ROBO1: variants seen among roughly 807,000 people sequenced by gnomAD.
The protein encoded by ROBO1 is roundabout guidance receptor 1.
Under a neutral mutation model 195.9 loss-of-function variants are expected in ROBO1, and 149 were observed. That is an observed-to-expected ratio of 0.76 (90% confidence interval 0.67 to 0.87). The LOEUF (loss-of-function observed/expected upper bound fraction) is 0.87, where lower values mean the gene tolerates loss of function less well. Among genes scored for constraint, ROBO1 ranks in the 40% least tolerant of loss-of-function variants. ROBO1 has a pLI of 0.00. For synonymous variants in ROBO1, 816 were observed against 733.2 expected, an observed-to-expected ratio of 1.11 and a Z score of -1.82; for missense variants, 1,933 against 2,068.3, an observed-to-expected ratio of 0.93 and a Z score of 1.27.
intron 2 of ROBO1, among the ~76,000 whole-genome samples, chr3:79,494,564 A>C (rs540493869): frequency 1.8e-4 from 27 of 152,292 alleles, no homozygotes; most frequent in African/African-American, 6.5e-4. Context: ...ACAAAACAGA[A>C]GAAATACACA....
chr3:78,692,147 G>C (rs1374619768), intron 8 of ROBO1, among the ~76,000 whole-genome samples: 1 of 151,494 alleles, frequency 6.6e-6, no homozygotes, highest in Admixed American at 6.6e-5. Context: ...ATGTATTTTT[G>C]TAAGGTATCA....
intron 1 of ROBO1, among the ~76,000 whole-genome samples, chr3:79,594,970 A>C (rs139724065): frequency 1.3e-5 from 2 of 152,140 alleles, no homozygotes; most frequent in African/African-American, 4.8e-5. Flanking sequence ...TATTTATAAG[A>C]TAATCTCATT....
chr3:79,056,124 G>A (rs763392361), intron 3 of ROBO1, among the ~76,000 whole-genome samples: 19 of 152,232 alleles, frequency 1.2e-4, no homozygotes, highest in Middle Eastern at 3.4e-3. Context: ...TGATCTTAAA[G>A]ATTGTTTTTT....
intron 2 of ROBO1, among the ~76,000 whole-genome samples, chr3:79,145,272 T>A (rs941037495): frequency 6.6e-6 from 1 of 151,586 alleles, no homozygotes; most frequent in Non-Finnish European, 1.5e-5. Context: ...TCTTCAAAAA[T>A]AGATAAAAAT....
intron 2 of ROBO1, among the ~76,000 whole-genome samples, chr3:79,351,172 TA>T (rs371614998): frequency 0.018 from 2,743 of 152,236 alleles, 32 homozygotes; most frequent in Middle Eastern, 0.034. Flanking sequence ...ACAAGGCATA[TA>T]AAAAATTATG....
intron 2 of ROBO1, among the ~76,000 whole-genome samples, chr3:79,196,611 T>C (rs993737152): frequency 7.9e-5 from 12 of 151,692 alleles, no homozygotes; most frequent in African/African-American, 2.9e-4. Context: ...GCAAATGGAA[T>C]GAAATTTTTA....
chr3:79,203,004 C>T (rs1207433069), intron 2 of ROBO1, among the ~76,000 whole-genome samples: 1 of 151,902 alleles, frequency 6.6e-6, no homozygotes, highest in Non-Finnish European at 1.5e-5. Flanking sequence ...TTCTCAATTG[C>T]TTTAGTTCCT....
At chr3:78,609,824 T>G (rs1703699190) in intron 28 of ROBO1, among the ~76,000 whole-genome samples, 1 of 152,214 alleles carries the variant, frequency 6.6e-6, no homozygotes, top group Admixed American at 6.6e-5. Flanking sequence ...GCATCAGTTT[T>G]AACCTAGTAT....
At chr3:79,502,820 C>G (rs1461171234) in intron 2 of ROBO1, among the ~76,000 whole-genome samples, 2 of 152,150 alleles carry the variant, frequency 1.3e-5, no homozygotes, top group Middle Eastern at 3.4e-3. Flanking sequence ...TTCGTAAATA[C>G]ACCAGTCAGC....
At chr3:78,968,350 C>T (rs1255795219) in intron 3 of ROBO1, among the ~76,000 whole-genome samples, 3 of 148,582 alleles carry the variant, frequency 2.0e-5, no homozygotes, top group African/African-American at 7.4e-5. Flanking sequence ...TCTTGGCTCA[C>T]TGCAACCTCT....
intron 4 of ROBO1, among the ~76,000 whole-genome samples, chr3:78,811,798 T>C (rs2108630261): frequency 6.6e-6 from 1 of 152,240 alleles, no homozygotes; most frequent in African/African-American, 2.4e-5. Flanking sequence ...AATTCAATCC[T>C]TTTTTCATCT....
intron 1 of ROBO1, among the ~76,000 whole-genome samples, chr3:79,645,136 G>A (rs139261300): frequency 6.6e-6 from 1 of 151,986 alleles, no homozygotes; most frequent in Admixed American, 6.6e-5. Context: ...ACAACCCAAT[G>A]ATGTACCTCA....
intron 2 of ROBO1, among the ~76,000 whole-genome samples, chr3:79,269,300 A>T (rs946201296): frequency 1.3e-5 from 2 of 151,728 alleles, no homozygotes; most frequent in African/African-American, 4.8e-5. Flanking sequence ...TTAGTATTTC[A>T]AGTATTTAGC....
chr3:79,021,087 GA>G (rs1277372811), intron 3 of ROBO1, among the ~76,000 whole-genome samples: 1 of 152,138 alleles, frequency 6.6e-6, no homozygotes, highest in Admixed American at 6.5e-5. Flanking sequence ...CTTTGAAAGT[GA>G]AAGATAGTCT....
chr3:79,029,600 G>A (rs376873802), intron 3 of ROBO1, among the ~76,000 whole-genome samples: 3 of 152,242 alleles, frequency 2.0e-5, no homozygotes, highest in South Asian at 2.1e-4. Context: ...TTCTTTAGAC[G>A]TGTATATTTC....
chr3:79,002,185 A>C (rs556874472), intron 3 of ROBO1, among the ~76,000 whole-genome samples: 3 of 152,272 alleles, frequency 2.0e-5, no homozygotes, highest in Non-Finnish European at 2.9e-5. Context: ...AATGACAGGC[A>C]TACATGAAAT....
chr3:79,573,913 A>G (rs1030310307), intron 2 of ROBO1, among the ~76,000 whole-genome samples: 10 of 152,242 alleles, frequency 6.6e-5, no homozygotes, highest in Admixed American at 2.6e-4. Context: ...TATGCTATGG[A>G]ATTTGGCTTT....
chr3:79,357,057 A>C (rs2035585393), intron 2 of ROBO1, among the ~76,000 whole-genome samples: 1 of 152,194 alleles, frequency 6.6e-6, no homozygotes, highest in Non-Finnish European at 1.5e-5. Context: ...TAGAATCATT[A>C]CATTTATCTT....
At chr3:79,123,307 G>A (rs1176977193) in intron 3 of ROBO1, among the ~76,000 whole-genome samples, 2 of 151,868 alleles carry the variant, frequency 1.3e-5, no homozygotes, top group East Asian at 1.9e-4. Flanking sequence ...CTAGTACAGG[G>A]AATTCATACA....
Sources: allele counts gnomAD v4.1 joint callset (sites outside exome capture counted in the v4.1 genomes callset), GRCh38; gene constraint gnomAD v4.1.1; transcripts MANE v1.5; gene names NCBI Gene and HGNC (gene_info 2026-07-23, HGNC 2026-07-21).